Variants in CSMD3 observed in about 807,000 individuals in gnomAD.
The protein encoded by CSMD3 is CUB and Sushi multiple domains 3.
A neutral mutation model predicts 435.2 loss-of-function variants in CSMD3; 177 were observed. That is an observed-to-expected ratio of 0.41 (90% CI 0.36 to 0.46). CSMD3 has a LOEUF of 0.46. Among genes scored for constraint, CSMD3 ranks in the 20% least tolerant of loss-of-function variants. The pLI is 0.34. For missense variants in CSMD3, 4,265 were observed against 4,504.6 expected, an observed-to-expected ratio of 0.95 and a Z score of 1.52; for synonymous variants, 1,656 against 1,520.5, an observed-to-expected ratio of 1.09 and a Z score of -2.07.
intron 27 of CSMD3, among the ~76,000 whole-genome samples, chr8:112,532,114 CA>C (rs71566031): frequency 0.28 from 42,055 of 151,476 alleles, 6,159 homozygotes; most frequent in African/African-American, 0.37. Flanking sequence ...AGTGTCTCAA[CA>C]GCAGAATTGA....
At chr8:113,196,844 A>G (rs896418020) in intron 3 of CSMD3, among the ~76,000 whole-genome samples, 9 of 151,354 alleles carry the variant, frequency 5.9e-5, no homozygotes, top group Admixed American at 1.3e-4. Flanking sequence ...TCATATAATT[A>G]TTTCTTACTC....
At chr8:113,369,142 A>G (rs1056332903) in intron 1 of CSMD3, among the ~76,000 whole-genome samples, 1 of 152,000 alleles carries the variant, frequency 6.6e-6, no homozygotes, top group African/African-American at 2.4e-5. Context: ...TCAATTTCTC[A>G]CCATATTTTT....
chr8:113,298,448 G>A (rs1396154054), intron 2 of CSMD3, among the ~76,000 whole-genome samples: 2 of 151,848 alleles, frequency 1.3e-5, no homozygotes, highest in East Asian at 3.9e-4. Context: ...TCAAAATTAA[G>A]AAGCAAATTA....
At chr8:112,997,671 T>C (rs1400744785) in intron 6 of CSMD3, among the ~76,000 whole-genome samples, 2 of 151,688 alleles carry the variant, frequency 1.3e-5, no homozygotes, top group Non-Finnish European at 3.0e-5. Flanking sequence ...AACTAATTAA[T>C]TGAAGATTTT....
At chr8:112,323,148 A>AAAAC (rs60164058) in intron 45 of CSMD3, among the ~76,000 whole-genome samples, 73,559 of 150,380 alleles carry the variant, frequency 0.49, 18,594 homozygotes, top group Middle Eastern at 0.59. Context: ...GGAGTAATGA[A>AAAAC]AAACAAACAA....
chr8:113,130,381 C>T (rs72685860), intron 4 of CSMD3, among the ~76,000 whole-genome samples: 14,631 of 152,040 alleles, frequency 0.096, 915 homozygotes, highest in Middle Eastern at 0.17. Flanking sequence ...GTTCTCATGA[C>T]GGTAAGTGAG....
chr8:112,356,194 A>T (rs1303761), intron 38 of CSMD3, among the ~76,000 whole-genome samples: 19,442 of 152,094 alleles, frequency 0.13, 3,021 homozygotes, highest in African/African-American at 0.38. Context: ...AATCAAAGGA[A>T]AAAAAATCAT....
intron 25 of CSMD3, among the ~76,000 whole-genome samples, chr8:112,555,906 A>T (rs563025926): frequency 1.2e-4 from 18 of 152,080 alleles, no homozygotes; most frequent in African/African-American, 4.1e-4. Context: ...TTCTAAAAAT[A>T]AAAGATTTGA....
At chr8:112,715,553 T>C (rs1264304624) in intron 13 of CSMD3, among the ~76,000 whole-genome samples, 1 of 151,332 alleles carries the variant, frequency 6.6e-6, no homozygotes, top group African/African-American at 2.4e-5. Flanking sequence ...AAAAGGAGAG[T>C]CTCCTCCCTA....
intron 55 of CSMD3, among the ~76,000 whole-genome samples, chr8:112,292,036 C>G (rs572250502): frequency 5.9e-5 from 9 of 152,002 alleles, no homozygotes; most frequent in African/African-American, 2.2e-4. Context: ...TTTTGTCATA[C>G]AATATGAAAT....
intron 3 of CSMD3, among the ~76,000 whole-genome samples, chr8:113,203,383 C>G (rs1404526558): frequency 6.6e-6 from 1 of 151,944 alleles, no homozygotes; most frequent in Non-Finnish European, 1.5e-5. Context: ...TCACTGCAGC[C>G]TCCACCATGG....
At chr8:113,324,780 C>T (rs1243726061) in intron 1 of CSMD3, among the ~76,000 whole-genome samples, 2 of 152,154 alleles carry the variant, frequency 1.3e-5, no homozygotes, top group African/African-American at 4.8e-5. Context: ...CCTGGAAAAG[C>T]CACAGACACT....
rs542208754 is a variant in CSMD3, at chr8:113,305,521, T to C, written c.401+9050A>G. ...AATAAATATAATCTAAGGAACAAAG[T>C]GTTTAAACTTGCTTATTGTCATCTT... On this transcript the variant is annotated intron_variant, in intron 2 of 70. Coordinates refer to ENST00000297405, the MANE Select transcript of CSMD3 (RefSeq NM_198123.2). Among the ~76,000 whole-genome samples the C allele has an allele frequency of 1.1e-4, 16 of 152,268 alleles. No individual in the cohort carries two copies. In the South Asian group the frequency reaches 3.3e-3, roughly 32 times the overall value.
chr8:112,825,588 T>A (rs2079654663), intron 12 of CSMD3, among the ~76,000 whole-genome samples: 1 of 152,178 alleles, frequency 6.6e-6, no homozygotes, highest in African/African-American at 2.4e-5. Context: ...CAGGTCCATC[T>A]TCTGTAAGGC....
In CSMD3 at chr8:112,295,964, A is replaced by G. The variant is rs771139125; in HGVS notation, c.8483T>C (p.Val2828Ala). 44 of 1,613,532 alleles carry G rather than the reference A, an allele frequency of 2.7e-5. No homozygotes were observed. The highest frequency in any genetic ancestry group is 3.6e-5 in the Non-Finnish European group (42 of 1,179,678). ...GIPELIVNGQ[V>A]IGENYGYRDT... ...TCTATATCCATAATTTTCTCCAATG[A>G]CTTGACCATTCACAATCAGTTCTGG... The change falls in exon 54 of 71, where the codon GTC becomes GCC. Residue 2828 changes from valine to alanine, a missense_variant. Around this residue, in one of 3 missense-constraint regions of CSMD3, gnomAD observed 3,255 missense variants for 3,380.2 expected, o/e 0.96. Transcript: ENST00000297405.
chr8:112,645,664 T>C (rs1268355851), intron 19 of CSMD3, among the ~76,000 whole-genome samples: 4 of 152,170 alleles, frequency 2.6e-5, no homozygotes, highest in Admixed American at 2.0e-4. Context: ...TTGTAAAAGT[T>C]TTTAAGGCTG....
chr8:113,262,953 T>A (rs1166897796), intron 3 of CSMD3, among the ~76,000 whole-genome samples: 1 of 151,992 alleles, frequency 6.6e-6, no homozygotes, highest in African/African-American at 2.4e-5. Context: ...CTCTAAATTG[T>A]GGTCGTTTGT....
intron 22 of CSMD3, among the ~76,000 whole-genome samples, chr8:112,601,606 T>C (rs1416906228): frequency 1.3e-5 from 2 of 152,158 alleles, no homozygotes. Context: ...AGAGAATGCT[T>C]CATCAAGAAG....
At chr8:112,335,729 TTG>T (rs1391263866) in intron 44 of CSMD3, among the ~76,000 whole-genome samples, 1 of 142,552 alleles carries the variant, frequency 7.0e-6, no homozygotes, top group Non-Finnish European at 1.6e-5. Flanking sequence ...AATCAATACA[TTG>T]TCTTTGTTTT....
Sources: allele counts gnomAD v4.1 joint callset (sites outside exome capture counted in the v4.1 genomes callset), GRCh38; gene constraint gnomAD v4.1.1; regional missense constraint gnomAD v4.1.1; transcripts MANE v1.5; gene names NCBI Gene and HGNC (gene_info 2026-07-23, HGNC 2026-07-21).